The following CFAP77 variants were observed in gnomAD, a reference collection of about 807,000 sequenced individuals.
The protein encoded by CFAP77 is cilia- and flagella-associated protein 77.
CFAP77 carries 25 observed loss-of-function variants against 31.1 expected under a neutral mutation model. The ratio of observed to expected loss-of-function variants is 0.80; its 90% CI spans 0.59 to 1.12. The LOEUF (loss-of-function observed/expected upper bound fraction) is 1.12, where lower values mean the gene tolerates loss of function less well. Ranked by LOEUF, CFAP77 falls within the 50% of genes most tolerant of loss-of-function variation. The pLI, the probability that CFAP77 is intolerant of heterozygous loss-of-function variation, is 0.00. For missense variants in CFAP77, 377 were observed against 397.3 expected (o/e 0.95, Z 0.44); for synonymous variants, 151 against 159.9 (o/e 0.94, Z 0.42).
At chr9:132,482,558 C>T (rs570177620) in intron 1 of CFAP77, 36 of 676,810 alleles carry the variant, frequency 5.3e-5, no homozygotes, top group South Asian at 8.3e-5. Context: ...GTTGTCATTA[C>T]GCCATGGGGT....
intron 4 of CFAP77, among the ~76,000 whole-genome samples, chr9:132,538,512 G>A (rs1355365803): frequency 6.6e-5 from 10 of 152,222 alleles, no homozygotes; most frequent in Admixed American, 3.3e-4. Flanking sequence ...AAGGCCGGGC[G>A]CGGTGGCTCA....
At chr9:132,550,742 T>C (rs1852809440) in intron 5 of CFAP77, among the ~76,000 whole-genome samples, 1 of 152,042 alleles carries the variant, frequency 6.6e-6, no homozygotes. Flanking sequence ...TTCTGGTTTC[T>C]GAGTGTCCCC....
chr9:132,437,339 G>A (rs573287327), intron 1 of CFAP77, among the ~76,000 whole-genome samples: 2 of 152,160 alleles, frequency 1.3e-5, no homozygotes, highest in African/African-American at 4.8e-5. Context: ...AGACATTAAG[G>A]TGCACTCCAG....
chr9:132,537,082 A>G (rs934311367), intron 3 of CFAP77, among the ~76,000 whole-genome samples: 6 of 152,202 alleles, frequency 3.9e-5, no homozygotes, highest in African/African-American at 1.4e-4. Flanking sequence ...TTCCAGATAC[A>G]ACAGAAGTGG....
At position 132,499,476 on chromosome 9, in the gene CFAP77, A is replaced by G. The variant is rs1237744806; in HGVS notation, c.400A>G (p.Thr134Ala). Residue 134 changes from threonine to alanine, a missense_variant, in exon 3 of 6, where the codon ACT becomes GCT. Transcript: ENST00000393216. The surrounding 1 kb of genome is among the most constrained non-coding windows in gnomAD (Gnocchi z 5.4). ...CGGGGCGGTGAAAGCCGGCCTGGTG[A>G]CTGCCCGGGAGAACTTGCTCTACCG... ...NRGAVKAGLV[T>A]ARENLLYRQL... is the part of the protein sequence containing the mutation. 1.2e-6 allele frequency: 2 copies of G among 1,614,058 alleles called. No homozygotes were observed. Among genetic ancestry groups the G allele is most frequent in the African/African-American group, 2.7e-5 (2 of 74,926 alleles).
intron 5 of CFAP77, among the ~76,000 whole-genome samples, chr9:132,558,489 G>A (rs1852938846): frequency 6.6e-6 from 1 of 152,210 alleles, no homozygotes. Flanking sequence ...AGGATCACCT[G>A]AGGTCAGGAG....
At chr9:132,523,247 C>A (rs955965180) in intron 3 of CFAP77, among the ~76,000 whole-genome samples, 3 of 152,108 alleles carry the variant, frequency 2.0e-5, no homozygotes, top group Non-Finnish European at 4.4e-5. Flanking sequence ...GCCACCATGC[C>A]CGGTTAATTT....
chr9:132,509,662 G>A (rs1198397526), intron 3 of CFAP77, among the ~76,000 whole-genome samples: 2 of 152,126 alleles, frequency 1.3e-5, no homozygotes, highest in Non-Finnish European at 2.9e-5. Context: ...CCAGCTACTC[G>A]GGAGGCTGAG....
At chr9:132,546,506 T>C (rs987046761) in intron 5 of CFAP77, among the ~76,000 whole-genome samples, 3 of 151,872 alleles carry the variant, frequency 2.0e-5, no homozygotes, top group Non-Finnish European at 2.9e-5. Context: ...TCAGAAATAA[T>C]TAAACACCTT....
In CFAP77 at chr9:132,539,184, C is replaced by T. The variant is rs1025107535; in HGVS notation, c.630+1478C>T. ...TTCAGAGAGATCAGATTGGCCTCCT[C>T]GGCAGTAGGTCCAGACTGACGATGG... On this transcript the variant is annotated intron_variant, in intron 4 of 5. Transcript: ENST00000393216. This position sits in a 1 kb window ranked among gnomAD's most constrained non-coding sequence, Gnocchi z 4.3. 2.6e-5 allele frequency among the ~76,000 whole-genome samples: 4 copies of T among 152,204 alleles called. No homozygotes were observed. Among genetic ancestry groups the T allele is most frequent in the Non-Finnish European group, 4.4e-5 (3 of 68,040 alleles).
intron 5 of CFAP77, among the ~76,000 whole-genome samples, chr9:132,567,629 A>C (rs915660320): frequency 6.6e-6 from 1 of 152,212 alleles, no homozygotes; most frequent in Non-Finnish European, 1.5e-5. Flanking sequence ...AGAGGCTGCT[A>C]TAACAAATTG....
chr9:132,566,305 C>G (rs1176087822), intron 5 of CFAP77, among the ~76,000 whole-genome samples: 1 of 152,200 alleles, frequency 6.6e-6, no homozygotes, highest in African/African-American at 2.4e-5. Flanking sequence ...TCTTGCAGCC[C>G]TGGGTTCAAT....
chr9:132,548,787 G>A (rs183562519), intron 5 of CFAP77, among the ~76,000 whole-genome samples: 3 of 146,040 alleles, frequency 2.1e-5, no homozygotes, highest in East Asian at 2.0e-4. Context: ...TTACATAGTC[G>A]TTCAGTCACT....
chr9:132,530,136 C>CTGTTTTTTTTTTTTTTT (rs1852414258), intron 3 of CFAP77, among the ~76,000 whole-genome samples: 1 of 93,268 alleles, frequency 1.1e-5, no homozygotes, highest in Non-Finnish European at 2.1e-5. Flanking sequence ...TCTTTCTTTT[C>CTGTTTTTTTTTTTTTTT]TTTTTTTTTT....
At chr9:132,514,615 G>T (rs1024413281) in intron 3 of CFAP77, among the ~76,000 whole-genome samples, 1 of 151,996 alleles carries the variant, frequency 6.6e-6, no homozygotes, top group East Asian at 1.9e-4. Context: ...TGCCTGCACC[G>T]GTGCCGGAAC....
chr9:132,446,607 G>C (rs765360364), intron 1 of CFAP77, among the ~76,000 whole-genome samples: 1 of 151,982 alleles, frequency 6.6e-6, no homozygotes, highest in Non-Finnish European at 1.5e-5. Flanking sequence ...TGGGCGTGGT[G>C]GTGGGTGCCT....
chr9:132,447,247 G>A (rs1410975370), intron 1 of CFAP77, among the ~76,000 whole-genome samples: 1 of 152,218 alleles, frequency 6.6e-6, no homozygotes, highest in South Asian at 2.1e-4. Context: ...AAGAAACTTG[G>A]TGCAGAATGC....
rs1403103518 is a variant in CFAP77 at position 132,414,638 on chromosome 9, AG to A, written c.195+4175del. Among the ~76,000 whole-genome samples the A allele has an allele frequency of 2.6e-5, 4 of 152,298 alleles. No homozygotes were observed. The East Asian group carries it at 7.7e-4, about 29-fold the overall frequency. ...CCCGGAAGAGTTCAGATTTGCAGGAAGGGAGTTCTGGGCAGGTCTCAGGGAC... is the reference window on the plus strand; with the variant it reads ...CCCGGAAGAGTTCAGATTTGCAGGAAGGAGTTCTGGGCAGGTCTCAGGGAC... On this transcript the variant is annotated intron_variant, in intron 1 of 5. Coordinates refer to ENST00000393216, the MANE Select transcript of CFAP77 (RefSeq NM_001282957.2).
chr9:132,495,547 C>T lies in CFAP77; in HGVS notation c.196-3148C>T, dbSNP rs787897. ...CCACCCTGCAGGGTCCCCATGCACC[C>T]GCCTGAAACTCAGAGCCCCATCACT... On this transcript the variant is annotated intron_variant, in intron 1 of 5. Coordinates refer to ENST00000393216, the MANE Select transcript of CFAP77 (RefSeq NM_001282957.2). This position sits in a 1 kb window ranked among gnomAD's most constrained non-coding sequence, Gnocchi z 4.2. Among the ~76,000 whole-genome samples, 31,032 of 152,024 alleles carry T rather than the reference C, an allele frequency of 0.2. 3,930 individuals carry two copies. Among genetic ancestry groups the T allele is most frequent in the African/African-American group, 0.35 (14,625 of 41,414 alleles).
Sources: gnomAD v4.1 joint callset for allele counts (sites outside exome capture counted in the v4.1 genomes callset) on GRCh38, gnomAD v4.1.1 for gene constraint, Gnocchi (gnomAD v3.1) non-coding constraint, MANE v1.5 for transcripts, NCBI Gene and HGNC (gene_info 2026-07-23, HGNC 2026-07-21) for gene names.